EVA1C: variants seen among roughly 807,000 people sequenced by gnomAD.
The protein encoded by EVA1C is eva-1 homolog C.
EVA1C carries 25 observed loss-of-function variants against 45.4 expected under a neutral mutation model. That is an observed-to-expected ratio of 0.55 (90% CI 0.40 to 0.77). EVA1C has a LOEUF of 0.77. Ranked by LOEUF, EVA1C falls within the 30% of genes least tolerant of loss-of-function variation. The pLI is 0.00. For missense variants in EVA1C, 479 were observed against 554.8 expected, an observed-to-expected ratio of 0.86 and a Z score of 1.37; for synonymous variants, 190 against 221.2, an observed-to-expected ratio of 0.86 and a Z score of 1.25.
chr21:32,463,074 T>C (rs1173221198), intron 3 of EVA1C, among the ~76,000 whole-genome samples: 1 of 152,208 alleles, frequency 6.6e-6, no homozygotes, highest in Non-Finnish European at 1.5e-5. Flanking sequence ...CTTTTGTGAC[T>C]GTTGTATCGA....
At chr21:32,477,222 C>A (rs139201171) in intron 4 of EVA1C, among the ~76,000 whole-genome samples, 1 of 152,098 alleles carries the variant, frequency 6.6e-6, no homozygotes, top group Non-Finnish European at 1.5e-5. Context: ...ATGACAGATA[C>A]CAGGTTTCTC....
At chr21:32,445,200 G>A (rs570797768) in intron 1 of EVA1C, among the ~76,000 whole-genome samples, 4 of 152,116 alleles carry the variant, frequency 2.6e-5, no homozygotes, top group East Asian at 1.9e-4. Flanking sequence ...TCACTTGTCC[G>A]GCTAAGGGAA....
At chr21:32,498,127 G>C (rs938512574) in intron 5 of EVA1C, among the ~76,000 whole-genome samples, 2 of 152,184 alleles carry the variant, frequency 1.3e-5, no homozygotes, top group African/African-American at 4.8e-5. Context: ...CAGGAGCTGT[G>C]CTGGGTGCCA....
intron 7 of EVA1C, among the ~76,000 whole-genome samples, chr21:32,508,086 T>C (rs1335191254): frequency 1.3e-5 from 2 of 152,196 alleles, no homozygotes; most frequent in African/African-American, 4.8e-5. Context: ...AGCAAAGCAG[T>C]GTAATAGCTG....
intron 5 of EVA1C, among the ~76,000 whole-genome samples, chr21:32,500,858 C>T (rs1453184874): frequency 6.6e-6 from 1 of 151,980 alleles, no homozygotes; most frequent in Non-Finnish European, 1.5e-5. Context: ...TTCACTCAGG[C>T]TGGAATGCAG....
At position 32,474,011 on chromosome 21, in the gene EVA1C, T is replaced by C. The variant is rs2036471659; in HGVS notation, c.634+6163T>C. ...TATTCATCATAGCTCACTGCAAGCC[T>C]CCAACTCATGGGCTCAAGCAATTCT... On this transcript the variant is annotated intron_variant, in intron 4 of 7. Coordinates refer to ENST00000300255, the MANE Select transcript of EVA1C (RefSeq NM_058187.5). This position sits in a 1 kb window ranked among gnomAD's most constrained non-coding sequence, Gnocchi z 4.4. 1.1e-6 allele frequency: 1 copy of C among 939,212 alleles called. No homozygotes were observed. The highest frequency in any genetic ancestry group is 1.3e-6 in the Non-Finnish European group (1 of 788,038). 58.2% of individuals were successfully genotyped at this position (939,212 alleles called of 1,614,324 possible).
At chr21:32,497,551 A>G (rs557286226) in intron 5 of EVA1C, among the ~76,000 whole-genome samples, 1 of 152,324 alleles carries the variant, frequency 6.6e-6, no homozygotes, top group South Asian at 2.1e-4. Flanking sequence ...ATTCTGTACA[A>G]TAACATTTAC....
chr21:32,448,050 T>A (rs9978365), intron 1 of EVA1C, among the ~76,000 whole-genome samples: 2 of 151,944 alleles, frequency 1.3e-5, no homozygotes, highest in Non-Finnish European at 2.9e-5. Flanking sequence ...TCTGTCCCCA[T>A]CCCCCATCCC....
At chr21:32,441,356 G>GTACAA (rs2035167446) in intron 1 of EVA1C, among the ~76,000 whole-genome samples, 1 of 152,092 alleles carries the variant, frequency 6.6e-6, no homozygotes, top group South Asian at 2.1e-4. Flanking sequence ...CTGAATGAAG[G>GTACAA]GAGGAAGGGA....
Position 32,495,038 on chromosome 21 carries a change from T to C in EVA1C, c.646T>C (p.Tyr216His), listed in dbSNP as rs762523937. 6.2e-7 allele frequency: 1 copy of C among 1,613,974 alleles called. No homozygotes were observed. Reference protein sequence around the residue: ...ERLPPFDCLSYSALQVLSRRC... With the variant: ...ERLPPFDCLSHSALQVLSRRC... ...TTCCTGCCTTTCAGATTGCTTGTCT[T>C]ACTCAGCTTTGCAAGTCCTATCCCG... The change falls in exon 5 of 8, where the codon TAC (tyrosine) becomes CAC (histidine). Residue 216 changes from tyrosine (Y) to histidine (H), a missense_variant. Tyr to His is a moderately conservative substitution (Grantham distance 83). This residue lies in a region of EVA1C where 366 missense variants were observed against 426.1 expected (regional missense o/e 0.86). Coordinates refer to ENST00000300255, the MANE Select transcript of EVA1C (RefSeq NM_058187.5).
chr21:32,447,774 C>T (rs2035418270), intron 1 of EVA1C, among the ~76,000 whole-genome samples: 1 of 152,180 alleles, frequency 6.6e-6, no homozygotes, highest in African/African-American at 2.4e-5. Flanking sequence ...GGCGCGATCT[C>T]AGCTCACTGC....
intron 5 of EVA1C, 117 bp downstream of exon 5, chr21:32,495,287 C>A: frequency 9.5e-7 from 1 of 1,047,380 alleles, no homozygotes; most frequent in Admixed American, 2.8e-5. Context: ...CCTCCTGAAG[C>A]TGTTTGGTCA....
intron 3 of EVA1C, among the ~76,000 whole-genome samples, chr21:32,463,869 T>C (rs1165215583): frequency 6.6e-6 from 1 of 152,238 alleles, no homozygotes; most frequent in Non-Finnish European, 1.5e-5. Context: ...TCCCATCCTC[T>C]TTCTGTGCCA....
Position 32,467,767 on chromosome 21 carries a change from A to C in EVA1C, c.553A>C (p.Asn185His), listed in dbSNP as rs370688359. Residue 185 changes from asparagine (N) to histidine (H), a missense_variant, in exon 4 of 8, where the codon AAC (asparagine) becomes CAC (histidine). Coordinates refer to ENST00000300255, the MANE Select transcript of EVA1C (RefSeq NM_058187.5). ...KLHCHESKFL[N>H]IYSATYGRRT... ...GCACTGCCATGAATCCAAGTTCCTC[A>C]ACATCTACTCTGCGACCTACGGCAG... 4 of 1,612,952 alleles carry C rather than the reference A, an allele frequency of 2.5e-6. No individual in the cohort carries two copies. The highest frequency in any genetic ancestry group is 1.7e-5 in the Admixed American group (1 of 59,884).
rs559312976 is a variant in EVA1C, at chr21:32,503,859, G to A, written c.860-67G>A. ...GCGGTCCCTGGGGTAGGAGCAGCAG[G>A]GGTGTCTTAGAATAGGCGTACTATG... On this transcript the variant is annotated intron_variant, in intron 6 of 7. Transcript: ENST00000300255. 156 of 1,053,466 alleles carry A rather than the reference G, an allele frequency of 1.5e-4. 2 individuals are homozygous for A. The African/African-American group carries it at 1.8e-3, about 12-fold the overall frequency. 65.3% of individuals were successfully genotyped at this position (1,053,466 alleles called of 1,614,324 possible). A position where few individuals can be genotyped will look rare whatever the true frequency, so the allele number is the denominator to read the frequency against.
intron 1 of EVA1C, among the ~76,000 whole-genome samples, chr21:32,416,142 A>T (rs1245503021): frequency 1.3e-5 from 2 of 151,634 alleles, no homozygotes; most frequent in Non-Finnish European, 2.9e-5. Flanking sequence ...TTTTTGCCTT[A>T]AAGAGTGGTG....
chr21:32,482,296 C>T (rs1024077269), intron 4 of EVA1C, among the ~76,000 whole-genome samples: 1 of 152,162 alleles, frequency 6.6e-6, no homozygotes, highest in African/African-American at 2.4e-5. Flanking sequence ...GTGGGCTTAC[C>T]TTCTGCAGTT....
chr21:32,459,781 C>T (rs920522242), intron 3 of EVA1C, among the ~76,000 whole-genome samples: 7 of 131,208 alleles, frequency 5.3e-5, no homozygotes, highest in East Asian at 5.4e-4. Flanking sequence ...GCAGAGGTTG[C>T]GGTGAGCCGA....
At chr21:32,492,582 C>T (rs2037199792) in intron 4 of EVA1C, among the ~76,000 whole-genome samples, 1 of 152,138 alleles carries the variant, frequency 6.6e-6, no homozygotes, top group Non-Finnish European at 1.5e-5. Context: ...CATACTCTCC[C>T]TGACCTATGC....
Sources: allele counts gnomAD v4.1 joint callset (sites outside exome capture counted in the v4.1 genomes callset), GRCh38; gene constraint gnomAD v4.1.1; regional missense constraint gnomAD v4.1.1; non-coding constraint Gnocchi (gnomAD v3.1); transcripts MANE v1.5; gene names NCBI Gene and HGNC (gene_info 2026-07-23, HGNC 2026-07-21).